The following WFS1 variants were observed in gnomAD, a reference collection of about 807,000 sequenced individuals.
The protein encoded by WFS1 is wolframin ER transmembrane glycoprotein.
WFS1 carries 90 observed loss-of-function variants against 68.5 expected under a neutral mutation model. The ratio of observed to expected loss-of-function variants is 1.31; its 90% CI spans 1.11 to 1.56. WFS1 has a LOEUF of 1.56. WFS1 is among the 40% of genes most tolerant of loss of function. The pLI is 0.00. For synonymous variants in WFS1, 860 were observed against 540.7 expected, an observed-to-expected ratio of 1.59 and a Z score of -8.19; for missense variants, 1,767 against 1,232.6, an observed-to-expected ratio of 1.43 and a Z score of -6.49.
rs1290911877 is a variant in WFS1, at chr4:6,281,138, A to G, written c.232+3451A>G. 2.0e-5 allele frequency among the ~76,000 whole-genome samples: 3 copies of G among 152,156 alleles called. No individual in the cohort carries two copies. In the East Asian group the frequency reaches 5.8e-4, roughly 29 times the overall value. The stretch of plus-strand genomic sequence containing the variant: ...GGCAGCCACAGGGACACAGATGCGG[A>G]CAGGAGCAGGAGCCCTGGGGAGGAG... On this transcript the variant is annotated intron_variant, in intron 2 of 7. Transcript: ENST00000226760.
chr4:6,300,998 C>T lies in WFS1; in HGVS notation c.1203C>T (p.His401=). ...EQAEVNFGWN[H]LEPYAHFLLS... is the part of the protein sequence containing the mutation. ...CCGAGGTCAACTTCGGCTGGAACCA[C>T]CTGGAGCCCTATGCCCATTTCCTGC... is the stretch of plus-strand genomic sequence containing the variant. Residue 401 remains histidine (H), a synonymous_variant, in exon 8 of 8, where the codon CAC becomes CAT. Transcript: ENST00000226760. The T allele has an allele frequency of 1.2e-6, 2 of 1,614,022 alleles. No homozygotes were observed. Among genetic ancestry groups the T allele is most frequent in the Non-Finnish European group, 1.7e-6 (2 of 1,180,016 alleles).
chr4:6,289,148 CT>C lies in WFS1; in HGVS notation c.460+19del. On this transcript the variant is annotated intron_variant, in intron 4 of 7. Coordinates refer to ENST00000226760, the MANE Select transcript of WFS1 (RefSeq NM_006005.3). Reference sequence around the variant, plus strand: ...ACAGAAGAGGTGGGTCTGTGTGAGGCTTAGAACAGCCTCTGGAGGGTTGAGC... The same window carrying C: ...ACAGAAGAGGTGGGTCTGTGTGAGGCTAGAACAGCCTCTGGAGGGTTGAGC... 6.4e-7 allele frequency: 1 copy of C among 1,565,262 alleles called. No individual in the cohort carries two copies. The highest frequency in any genetic ancestry group is 1.9e-5 in the Admixed American group (1 of 53,118).
Position 6,287,864 on chromosome 4 carries a change from C to A in WFS1, c.315+689C>A, listed in dbSNP as rs989587933. On this transcript the variant is annotated intron_variant, in intron 3 of 7. Transcript: ENST00000226760. This position sits in a 1 kb window ranked among gnomAD's most constrained non-coding sequence, Gnocchi z 6.4. ...AGCAAGTGACCACAGTTATCCTGAG[C>A]AGTTTCCTGCCCCCTCTTCTCCCTA... Among the ~76,000 whole-genome samples the A allele has an allele frequency of 6.6e-6, 1 of 152,182 alleles. No homozygotes were observed. The highest frequency in any genetic ancestry group is 2.4e-5 in the African/African-American group (1 of 41,442).
At position 6,302,353 on chromosome 4, in the gene WFS1, A is replaced by G; in HGVS notation, c.2558A>G (p.Gln853Arg). 1 of 1,613,012 alleles carries G rather than the reference A, an allele frequency of 6.2e-7. No homozygotes were observed. The highest frequency in any genetic ancestry group is 8.5e-7 in the Non-Finnish European group (1 of 1,180,004). The change falls in exon 8 of 8, where the codon CAG becomes CGG. Residue 853 changes from glutamine (Q) to arginine (R), a missense_variant. Coordinates refer to ENST00000226760, the MANE Select transcript of WFS1 (RefSeq NM_006005.3). ...KAISCLNCMA[Q>R]LSPTRRHVKI... ...ATCAGCTGCCTCAACTGCATGGCCCAGCTCTCACCCACCAGGCGGCACGTG... is the reference window on the plus strand; with the variant it reads ...ATCAGCTGCCTCAACTGCATGGCCCGGCTCTCACCCACCAGGCGGCACGTG...
chr4:6,290,209 G>C (rs1730423769), intron 4 of WFS1, among the ~76,000 whole-genome samples: 1 of 152,260 alleles, frequency 6.6e-6, no homozygotes, highest in South Asian at 2.1e-4. Flanking sequence ...AAAGTGATGA[G>C]AGTACAGGCG....
At chr4:6,277,784 C>T in intron 2 of WFS1, 97 bp downstream of exon 2, 5 of 1,344,962 alleles carry the variant, frequency 3.7e-6, no homozygotes, top group Non-Finnish European at 5.2e-6. Flanking sequence ...CCCGCCAGGT[C>T]CTCTGCAGTT....
At position 6,300,844 on chromosome 4, in the gene WFS1, TCTAC is replaced by T. The variant is rs1416284572; in HGVS notation, c.1052_1055del (p.Tyr351CysfsTer7). ...GCCTTCTTCATCCCGCTGGTCATCT[TCTAC>T]CTGTCCTTCATCTCCATGGTGATCT... On this transcript the variant is annotated frameshift_variant, in exon 8 of 8. Coordinates refer to ENST00000226760, the MANE Select transcript of WFS1 (RefSeq NM_006005.3). LOFTEE classifies it high-confidence loss of function. The T allele has an allele frequency of 1.2e-6, 2 of 1,614,128 alleles. No individual in the cohort carries two copies. Among genetic ancestry groups the T allele is most frequent in the South Asian group, 1.1e-5 (1 of 91,070 alleles).
chr4:6,292,148 AC>A, intron 6 of WFS1, 151 bp downstream of exon 6: 1 of 818,980 alleles, frequency 1.2e-6, no homozygotes. Context: ...TTCCTGTGCG[AC>A]CCCATCCTGG....
rs6830765 is a variant in WFS1 at position 6,270,099 on chromosome 4, T to C, written c.-6+85T>C. 0.59 allele frequency: 88,778 copies of C among 151,706 alleles called. 26,667 individuals are homozygous for C. The highest frequency in any genetic ancestry group is 0.93 in the East Asian group (4,806 of 5,148). The allele number at this position is 151,706 out of a possible 1,614,324, so 9.4% of individuals were successfully genotyped here. On this transcript the variant is annotated intron_variant, in intron 1 of 7. Transcript: ENST00000226760. ...GCAAGAGCCCTGAGGCACTGTCCTCTTCGGGCCTCAGTTTCCCCTTCCGAG... is the reference window on the plus strand; with the variant it reads ...GCAAGAGCCCTGAGGCACTGTCCTCCTCGGGCCTCAGTTTCCCCTTCCGAG...
intron 1 of WFS1, among the ~76,000 whole-genome samples, chr4:6,273,219 G>A (rs577095816): frequency 3.0e-4 from 45 of 152,388 alleles, no homozygotes; most frequent in African/African-American, 1.1e-3. Flanking sequence ...GCGGGTCTGA[G>A]TGGATGCATG....
intron 5 of WFS1, 87 bp from the exon 6 acceptor site, chr4:6,291,830 A>G: frequency 7.1e-7 from 1 of 1,415,934 alleles, no homozygotes. Flanking sequence ...GGCGTGCCCT[A>G]GGAACAGTGC....
chr4:6,297,549 C>T (rs1259626641), intron 7 of WFS1, among the ~76,000 whole-genome samples: 1 of 152,180 alleles, frequency 6.6e-6, no homozygotes, highest in Non-Finnish European at 1.5e-5. Flanking sequence ...GACACGGGAA[C>T]ATTTTTGCCC....
intron 1 of WFS1, among the ~76,000 whole-genome samples, chr4:6,270,641 G>T (rs1411080276): frequency 1.3e-5 from 2 of 152,186 alleles, no homozygotes; most frequent in East Asian, 3.9e-4. Flanking sequence ...ACCCTGCCTC[G>T]TATGAACTCC....
At position 6,295,126 on chromosome 4, in the gene WFS1, G is replaced by A. The variant is rs1376645202; in HGVS notation, c.798G>A (p.Gln266=). The stretch of plus-strand genomic sequence containing the variant: ...TCATCCCCAGCAGCCTGTTCCTGCA[G>A]GACGACGAAGATGATGACGAGCTGG... ...KGVIPSSLFL[Q]DDEDDDELAG... The change falls in exon 7 of 8, where the codon CAG becomes CAA. Residue 266 remains glutamine, a synonymous_variant. Coordinates refer to ENST00000226760, the MANE Select transcript of WFS1 (RefSeq NM_006005.3). 1.2e-6 allele frequency: 2 copies of A among 1,613,306 alleles called. No homozygotes were observed. The highest frequency in any genetic ancestry group is 4.5e-5 in the East Asian group (2 of 44,878).
chr4:6,300,662 C>CAAGT lies in WFS1; in HGVS notation c.869_872dup (p.Tyr291Ter). Reference sequence around the variant, plus strand: ...ACGTACCATCTTTCCCCCAGGTGGTCAAGTACCCCCTGCACGCCATCATGG... The same window carrying CAAGT: ...ACGTACCATCTTTCCCCCAGGTGGTCAAGTAAGTACCCCCTGCACGCCATCATGG... On this transcript the variant is annotated frameshift_variant, in exon 8 of 8. Coordinates refer to ENST00000226760, the MANE Select transcript of WFS1 (RefSeq NM_006005.3). LOFTEE classifies it high-confidence loss of function. 1.9e-6 allele frequency: 3 copies of CAAGT among 1,613,952 alleles called. No individual in the cohort carries two copies. The highest frequency in any genetic ancestry group is 2.5e-6 in the Non-Finnish European group (3 of 1,179,942).
Position 6,291,952 on chromosome 4 carries a change from C to A in WFS1, c.667C>A (p.Leu223Met), listed in dbSNP as rs1057524889. 1 of 1,611,358 alleles carries A rather than the reference C, an allele frequency of 6.2e-7. No individual in the cohort carries two copies. The change falls in exon 6 of 8, where the codon CTG becomes ATG. Residue 223 changes from leucine to methionine, a missense_variant. Leu to Met is a conservative substitution (Grantham distance 15, BLOSUM62 2). Coordinates refer to ENST00000226760, the MANE Select transcript of WFS1 (RefSeq NM_006005.3). The part of the protein sequence containing the change: ...GAQPGPVPKS[L>M]QKQRRMLERL... The stretch of plus-strand genomic sequence containing the variant: ...GCAGCCAGGCCCCGTGCCCAAGTCC[C>A]TGCAGAAGCAGAGGCGCATGCTGGA...
rs148894072 is a variant in WFS1, at chr4:6,277,123, A to G, written c.-5-328A>G. Among the ~76,000 whole-genome samples, 1,051 of 152,344 alleles carry G rather than the reference A, an allele frequency of 6.9e-3. 15 individuals carry two copies. The highest frequency in any genetic ancestry group is 0.011 in the Non-Finnish European group (735 of 68,032). On this transcript the variant is annotated intron_variant, in intron 1 of 7. Transcript: ENST00000226760. ...ACATGGGTGGGCTCTGGGTGTTGCTATCATCATCCCCGTTTCTTGGATGAG... is the reference window on the plus strand; with the variant it reads ...ACATGGGTGGGCTCTGGGTGTTGCTGTCATCATCCCCGTTTCTTGGATGAG...
At position 6,299,873 on chromosome 4, in the gene WFS1, GGGCTGCA is replaced by G. The variant is rs1464649158; in HGVS notation, c.862-783_862-777del. 1.9e-3 allele frequency among the ~76,000 whole-genome samples: 254 copies of G among 132,920 alleles called. 2 individuals are homozygous for G. The highest frequency in any genetic ancestry group is 7.3e-3 in the African/African-American group (245 of 33,656). 87.2% of individuals were successfully genotyped at this position (132,920 alleles called of 152,430 possible). ...TGTGTGAATGCGTGTGTGTAGGGGT[GGGCTGCA>G]TGTGTGTGTGTAGGGGTGGGTTGTG... On this transcript the variant is annotated intron_variant, in intron 7 of 7. Coordinates refer to ENST00000226760, the MANE Select transcript of WFS1 (RefSeq NM_006005.3).
chr4:6,276,396 G>GA (rs1560400958), intron 1 of WFS1, among the ~76,000 whole-genome samples: 1 of 152,176 alleles, frequency 6.6e-6, no homozygotes, highest in African/African-American at 2.4e-5. Context: ...CCCTTGCTCC[G>GA]GCGTGACACG....
Sources: allele counts gnomAD v4.1 joint callset (sites outside exome capture counted in the v4.1 genomes callset), GRCh38; gene constraint gnomAD v4.1.1; non-coding constraint Gnocchi (gnomAD v3.1); transcripts MANE v1.5; gene names NCBI Gene and HGNC (gene_info 2026-07-23, HGNC 2026-07-21).